The following CA10 variants were observed in gnomAD, a reference collection of about 807,000 sequenced individuals.
The protein encoded by CA10 is carbonic anhydrase 10 (inactive), also known as carbonic anhydrase-related protein 10.
In CA10, 14 loss-of-function variants were observed where a neutral mutation model predicts 44.2. That is an observed-to-expected ratio of 0.32 (90% CI 0.21 to 0.50). The LOEUF (loss-of-function observed/expected upper bound fraction) is 0.50, where lower values mean the gene tolerates loss of function less well. Ranked by LOEUF, CA10 falls within the 20% of genes least tolerant of loss-of-function variation. CA10 has a pLI of 0.99. For synonymous variants in CA10, 159 were observed against 141.6 expected (o/e 1.12, Z -0.87); for missense variants, 350 against 409.7 (o/e 0.85, Z 1.26).
intron 3 of CA10, among the ~76,000 whole-genome samples, chr17:51,903,567 G>A (rs1267580640): frequency 6.6e-6 from 1 of 152,122 alleles, no homozygotes; most frequent in Non-Finnish European, 1.5e-5. Context: ...CCAACCTGAA[G>A]CATCCTCTGC....
At chr17:51,652,847 C>G (rs1913627282) in intron 5 of CA10, among the ~76,000 whole-genome samples, 1 of 152,194 alleles carries the variant, frequency 6.6e-6, no homozygotes, top group South Asian at 2.1e-4. Flanking sequence ...AAAACATCCC[C>G]AGGGGCTAGC....
At chr17:51,642,729 G>A (rs7222330) in intron 6 of CA10, among the ~76,000 whole-genome samples, 63,905 of 151,756 alleles carry the variant, frequency 0.42, 14,218 homozygotes, top group Non-Finnish European at 0.48. Context: ...TGTAACCTCC[G>A]CCTCCCAAGT....
At position 51,664,893 on chromosome 17, in the gene CA10, A is replaced by T. The variant is rs79755381; in HGVS notation, c.466-11157T>A. Among the ~76,000 whole-genome samples the T allele has an allele frequency of 6.2e-3, 938 of 152,340 alleles. 6 individuals are homozygous for T. The highest frequency in any genetic ancestry group is 0.022 in the African/African-American group (911 of 41,570). On this transcript the variant is annotated intron_variant, in intron 4 of 8. Transcript: ENST00000451037. ...CAAATATCCAGGGGCAATGACTCTC[A>T]GTACCTGCAGTAGATGCACACCAAG...
At chr17:52,130,239 G>T (rs1221705145) in intron 1 of CA10, among the ~76,000 whole-genome samples, 1 of 152,168 alleles carries the variant, frequency 6.6e-6, no homozygotes, top group East Asian at 1.9e-4. Flanking sequence ...AAGAAAAAAA[G>T]TATGGTGGTT....
rs545977190 is a variant in CA10, at chr17:52,025,290, C to A, written c.136+47029G>T. Among the ~76,000 whole-genome samples, 21 of 152,170 alleles carry A rather than the reference C, an allele frequency of 1.4e-4. No homozygotes were observed. In the South Asian group the frequency reaches 4.4e-3, roughly 32 times the overall value. On this transcript the variant is annotated intron_variant, in intron 2 of 8. Transcript: ENST00000451037. The stretch of plus-strand genomic sequence containing the variant: ...AGGGTCTCTGTGACATAGGACATGC[C>A]TCCACCTGGGTTCTACTCCACTTTC...
At chr17:51,996,927 T>C (rs527897153) in intron 2 of CA10, among the ~76,000 whole-genome samples, 2 of 152,150 alleles carry the variant, frequency 1.3e-5, no homozygotes, top group South Asian at 4.2e-4. Context: ...GCACAACAAT[T>C]TCCCCCAGAT....
chr17:51,748,510 T>C, intron 3 of CA10: 2 of 984,256 alleles, frequency 2.0e-6, no homozygotes, highest in Middle Eastern at 5.2e-4. Context: ...CTTTTCTTGC[T>C]GGGACTTGAT....
At chr17:51,817,461 C>A (rs1907604275) in intron 3 of CA10, among the ~76,000 whole-genome samples, 1 of 152,144 alleles carries the variant, frequency 6.6e-6, no homozygotes, top group South Asian at 2.1e-4. Flanking sequence ...GCATGGCAGA[C>A]TCTTTATGCA....
intron 3 of CA10, among the ~76,000 whole-genome samples, chr17:51,898,997 C>A (rs1276930255): frequency 6.6e-6 from 1 of 151,740 alleles, no homozygotes; most frequent in Non-Finnish European, 1.5e-5. Context: ...TTCAAAAAAA[C>A]CTCCTGGATT....
intron 4 of CA10, among the ~76,000 whole-genome samples, chr17:51,695,906 A>C (rs939439562): frequency 3.3e-5 from 5 of 151,968 alleles, no homozygotes; most frequent in Non-Finnish European, 5.9e-5. Context: ...ATCTTTTTCT[A>C]TATCTATTGA....
At chr17:51,894,977 A>G (rs980214654) in intron 3 of CA10, among the ~76,000 whole-genome samples, 1 of 152,118 alleles carries the variant, frequency 6.6e-6, no homozygotes, top group African/African-American at 2.4e-5. Context: ...ATTGTAAAAA[A>G]ATTGGAATCC....
chr17:52,000,927 T>A (rs1216655687), intron 2 of CA10, among the ~76,000 whole-genome samples: 3 of 151,822 alleles, frequency 2.0e-5, no homozygotes, highest in Non-Finnish European at 4.4e-5. Context: ...GTGGGTATAG[T>A]GTTCTAAGCC....
At chr17:52,023,691 G>A (rs1303955383) in intron 2 of CA10, among the ~76,000 whole-genome samples, 2 of 30,000 alleles carry the variant, frequency 6.7e-5, no homozygotes, top group Non-Finnish European at 2.0e-4. Flanking sequence ...ACAGCTTACA[G>A]AATGGCAAAA....
intron 4 of CA10, among the ~76,000 whole-genome samples, chr17:51,665,272 G>A (rs1009480689): frequency 3.9e-5 from 6 of 151,970 alleles, no homozygotes; most frequent in Non-Finnish European, 8.8e-5. Context: ...CATTAAACCC[G>A]CAGTGGATTG....
rs1987420549 is a variant in CA10, at chr17:52,062,627, G to A, written c.136+9692C>T. Reference sequence around the variant, plus strand: ...TCAAGCTGCTCCAGCTCCAGGTGAGGCACAAATAACCCCACATACTATTTC... The same window carrying A: ...TCAAGCTGCTCCAGCTCCAGGTGAGACACAAATAACCCCACATACTATTTC... On this transcript the variant is annotated intron_variant, in intron 2 of 8. Transcript: ENST00000451037. Among the ~76,000 whole-genome samples the A allele has an allele frequency of 2.0e-5, 3 of 152,204 alleles. No homozygotes were observed. The East Asian group carries it at 5.8e-4, about 29-fold the overall frequency.
At chr17:51,644,265 AC>A (rs1913228492) in intron 6 of CA10, among the ~76,000 whole-genome samples, 1 of 150,582 alleles carries the variant, frequency 6.6e-6, no homozygotes, top group Non-Finnish European at 1.5e-5. Context: ...TTGTGATTTC[AC>A]CCCGCTGCCT....
chr17:51,677,937 G>A (rs976468782), intron 4 of CA10, among the ~76,000 whole-genome samples: 4 of 149,930 alleles, frequency 2.7e-5, no homozygotes, highest in Non-Finnish European at 5.9e-5. Flanking sequence ...ACTGAAAACT[G>A]TACACCCATG....
chr17:51,885,333 G>A (rs1024750314), intron 3 of CA10, among the ~76,000 whole-genome samples: 8 of 152,124 alleles, frequency 5.3e-5, no homozygotes, highest in African/African-American at 1.9e-4. Context: ...CATTCATGCT[G>A]TTAGACAAAC....
chr17:51,962,445 GACAGCT>G (rs1454192731), intron 2 of CA10, among the ~76,000 whole-genome samples: 1 of 152,188 alleles, frequency 6.6e-6, no homozygotes, highest in Non-Finnish European at 1.5e-5. Context: ...GGACTGAGGA[GACAGCT>G]CAGACAACTG....
Sources: gnomAD v4.1 joint callset for allele counts (sites outside exome capture counted in the v4.1 genomes callset) on GRCh38, gnomAD v4.1.1 for gene constraint, MANE v1.5 for transcripts, NCBI Gene and HGNC (gene_info 2026-07-23, HGNC 2026-07-21) for gene names.